Variants in TPRG1 observed in about 807,000 individuals in gnomAD.
TPRG1 encodes the protein tumor protein p63 regulated 1.
Under a neutral mutation model 29.3 loss-of-function variants are expected in TPRG1, and 29 were observed. The ratio of observed to expected loss-of-function variants is 0.99; its 90% CI spans 0.74 to 1.35. The LOEUF (loss-of-function observed/expected upper bound fraction) is 1.35, where lower values mean the gene tolerates loss of function less well. TPRG1 is among the 40% of genes most tolerant of loss of function. The pLI is 0.00. For synonymous variants in TPRG1, 130 were observed against 116.8 expected, an observed-to-expected ratio of 1.11 and a Z score of -0.73; for missense variants, 327 against 335.0, an observed-to-expected ratio of 0.98 and a Z score of 0.19.
At chr3:189,118,239 G>T (rs1175210842) in intron 1 of TPRG1, among the ~76,000 whole-genome samples, 1 of 152,138 alleles carries the variant, frequency 6.6e-6, no homozygotes, top group Non-Finnish European at 1.5e-5. Context: ...GAAAGAGACT[G>T]GCCGCATTCT....
At chr3:189,121,335 A>G (rs1267717764) in intron 1 of TPRG1, 2 of 152,110 alleles carry the variant, frequency 1.3e-5, no homozygotes, top group Non-Finnish European at 2.9e-5. Flanking sequence ...TTAGGTTAGG[A>G]CTGAGTTTTA....
chr3:189,166,709 G>T (rs1414323962), intron 5 of TPRG1, among the ~76,000 whole-genome samples: 2 of 152,158 alleles, frequency 1.3e-5, no homozygotes, highest in South Asian at 2.1e-4. Context: ...TTTTGTCAAG[G>T]TTCTTCTTCC....
chr3:189,114,053 T>G (rs1289334600), intron 1 of TPRG1, among the ~76,000 whole-genome samples: 1 of 152,154 alleles, frequency 6.6e-6, no homozygotes, highest in Non-Finnish European at 1.5e-5. Flanking sequence ...TTTAATCACA[T>G]TAAAATTTTT....
intron 5 of TPRG1, among the ~76,000 whole-genome samples, chr3:189,154,215 A>G (rs1218573025): frequency 3.3e-5 from 5 of 152,236 alleles, no homozygotes; most frequent in African/African-American, 1.2e-4. Context: ...AACCTGAGAG[A>G]CAGCCAGAGT....
chr3:189,285,399 G>C (rs1034823273), intron 4 of TPRG1, among the ~76,000 whole-genome samples: 2 of 152,178 alleles, frequency 1.3e-5, no homozygotes, highest in Admixed American at 6.5e-5. Context: ...GTGTGTTTTA[G>C]AGATGGAAGG....
chr3:189,222,192 G>T (rs2108867937), intron 3 of TPRG1, among the ~76,000 whole-genome samples: 1 of 152,224 alleles, frequency 6.6e-6, no homozygotes, highest in East Asian at 1.9e-4. Flanking sequence ...CAACAAAAAA[G>T]TCAAATGCCT....
intron 4 of TPRG1, among the ~76,000 whole-genome samples, chr3:189,288,401 G>C (rs1303328268): frequency 6.6e-6 from 1 of 152,084 alleles, no homozygotes; most frequent in South Asian, 2.1e-4. Flanking sequence ...GAATATTATA[G>C]CACATAGGAT....
intron 4 of TPRG1, among the ~76,000 whole-genome samples, chr3:189,243,431 A>C (rs1472796627): frequency 6.6e-6 from 1 of 152,198 alleles, no homozygotes; most frequent in African/African-American, 2.4e-5. Context: ...CCCCCCAAGG[A>C]GGTCTCTAAA....
intron 3 of TPRG1, among the ~76,000 whole-genome samples, chr3:189,007,405 T>C (rs59120206): frequency 7.0e-4 from 106 of 151,884 alleles, no homozygotes; most frequent in African/African-American, 2.4e-3. Context: ...CAACAGGTGC[T>C]GGAGAGGATG....
chr3:189,282,938 G>T (rs1717409971), intron 4 of TPRG1, among the ~76,000 whole-genome samples: 3 of 152,226 alleles, frequency 2.0e-5, no homozygotes, highest in Admixed American at 2.0e-4. Flanking sequence ...TAAACTCTTA[G>T]TGTGTGGGTT....
chr3:189,231,943 T>TTGTGTGTGTGTGTGTGTGTGTGTGTG (rs10576562), intron 3 of TPRG1, among the ~76,000 whole-genome samples: 1 of 147,588 alleles, frequency 6.8e-6, no homozygotes, highest in African/African-American at 2.5e-5. Context: ...CAAACCTGGT[T>TTGTGTGTGTGTGTGTGTGTGTGTGTG]TGTGTGTGTG....
At chr3:189,250,513 C>CCGCG (rs1553931576) in intron 4 of TPRG1, among the ~76,000 whole-genome samples, 1 of 88,738 alleles carries the variant, frequency 1.1e-5, no homozygotes, top group African/African-American at 4.8e-5. Flanking sequence ...CGCCCCCCCC[C>CCGCG]CCCCACCCAG....
chr3:189,110,113 T>C (rs1720326173), intron 1 of TPRG1, among the ~76,000 whole-genome samples: 1 of 152,182 alleles, frequency 6.6e-6, no homozygotes, highest in Non-Finnish European at 1.5e-5. Flanking sequence ...TAGGTTTTCA[T>C]TTAACTTCGG....
At chr3:189,272,629 A>G (rs1715342823) in intron 4 of TPRG1, among the ~76,000 whole-genome samples, 1 of 150,754 alleles carries the variant, frequency 6.6e-6, no homozygotes. Flanking sequence ...TTCTTTCTTT[A>G]TCTTTCTCTC....
At position 189,069,468 on chromosome 3, in the gene TPRG1, C is replaced by CG. The variant is rs1476778278; in HGVS notation, c.-463+45523dup. On this transcript the variant is annotated intron_variant, in intron 4 of 10. Coordinates refer to the TPRG1 transcript ENST00000433971. ...TCAAAATCTTGGTTGTGATATTGTA[C>CG]GATAGATAGTTTAAGATCTTACTTT... Among the ~76,000 whole-genome samples, 42 of 151,836 alleles carry CG rather than the reference C, an allele frequency of 2.8e-4. 1 individual carries two copies. Among genetic ancestry groups the CG allele is most frequent in the African/African-American group, 1.0e-3 (42 of 41,286 alleles).
intron 3 of TPRG1, among the ~76,000 whole-genome samples, chr3:189,138,062 A>G (rs2108555588): frequency 6.6e-6 from 1 of 152,296 alleles, no homozygotes; most frequent in Admixed American, 6.5e-5. Context: ...ATATGTGTAA[A>G]CCATAGTTCC....
intron 5 of TPRG1, among the ~76,000 whole-genome samples, chr3:189,160,056 C>T (rs116382397): frequency 2.3e-3 from 355 of 151,900 alleles, no homozygotes; most frequent in Non-Finnish European, 4.3e-3. Flanking sequence ...TGTGGGTGGT[C>T]GGGGGGTCAA....
At chr3:189,251,987 T>C (rs1177267578) in intron 4 of TPRG1, among the ~76,000 whole-genome samples, 3 of 152,082 alleles carry the variant, frequency 2.0e-5, no homozygotes, top group Non-Finnish European at 4.4e-5. Context: ...GACTATCACA[T>C]GGGGAGAAAC....
rs192469433 is a variant in TPRG1, at chr3:189,271,329, T to C, written c.479+32420T>C. Reference sequence around the variant, plus strand: ...GCCTCTATTCACATGATGGCCTTTGTCTGTCAGCACTAGTTGACTCCTGCC... The same window carrying C: ...GCCTCTATTCACATGATGGCCTTTGCCTGTCAGCACTAGTTGACTCCTGCC... On this transcript the variant is annotated intron_variant, in intron 4 of 5. Coordinates refer to ENST00000345063, the MANE Select transcript of TPRG1 (RefSeq NM_198485.4). 7.9e-5 allele frequency among the ~76,000 whole-genome samples: 12 copies of C among 152,316 alleles called. 1 individual carries two copies. Among genetic ancestry groups the C allele is most frequent in the Admixed American group, 6.5e-4 (10 of 15,298 alleles).
Sources: allele counts gnomAD v4.1 joint callset (sites outside exome capture counted in the v4.1 genomes callset), GRCh38; gene constraint gnomAD v4.1.1; transcripts MANE v1.5; gene names NCBI Gene and HGNC (gene_info 2026-07-23, HGNC 2026-07-21).